The following FNDC1 variants were observed in gnomAD, a reference collection of about 807,000 sequenced individuals.
FNDC1 encodes fibronectin type III domain-containing protein 1.
In FNDC1, 96 loss-of-function variants were observed where a neutral mutation model predicts 168.0. The ratio of observed to expected loss-of-function variants is 0.57; its 90% CI spans 0.48 to 0.68. The LOEUF (loss-of-function observed/expected upper bound fraction) is 0.68, where lower values mean the gene tolerates loss of function less well. FNDC1 is among the 30% of genes least tolerant of loss of function. The pLI is 0.00. For synonymous variants in FNDC1, 1,099 were observed against 1,025.9 expected, an observed-to-expected ratio of 1.07 and a Z score of -1.36; for missense variants, 2,587 against 2,482.1, an observed-to-expected ratio of 1.04 and a Z score of -0.90.
chr6:159,195,179 AG>A (rs1782219037), intron 1 of FNDC1, among the ~76,000 whole-genome samples: 1 of 152,192 alleles, frequency 6.6e-6, no homozygotes, highest in African/African-American at 2.4e-5. Context: ...TATGTTAAAA[AG>A]AACCTTCATT....
intron 1 of FNDC1, among the ~76,000 whole-genome samples, chr6:159,178,439 C>T (rs753603103): frequency 1.3e-5 from 2 of 152,172 alleles, no homozygotes; most frequent in African/African-American, 2.4e-5. Context: ...CATGTACCCT[C>T]CACCTAGTTT....
At chr6:159,238,371 C>T (rs552530865) in intron 12 of FNDC1, among the ~76,000 whole-genome samples, 183 bp from the exon 13 acceptor site, 1 of 152,288 alleles carries the variant, frequency 6.6e-6, no homozygotes, top group East Asian at 1.9e-4. Context: ...AAGCGTGAGC[C>T]ACCGCGCCCG....
At chr6:159,193,058 C>G (rs1268705347) in intron 1 of FNDC1, among the ~76,000 whole-genome samples, 1 of 152,126 alleles carries the variant, frequency 6.6e-6, no homozygotes, top group East Asian at 1.9e-4. Flanking sequence ...AGGATTTCTT[C>G]TGGGGTCAAG....
At position 159,169,530 on chromosome 6, in the gene FNDC1, C is replaced by T; in HGVS notation, c.-67C>T. 2.2e-6 allele frequency: 1 copy of T among 445,488 alleles called. No homozygotes were observed. Among genetic ancestry groups the T allele is most frequent in the Non-Finnish European group, 3.1e-6 (1 of 320,974 alleles). The allele number at this position is 445,488 out of a possible 1,614,324, so 27.6% of individuals were successfully genotyped here. ...ACCCGACGGCGGCGCCTCGGCACTC[C>T]CCAGACTCCGGCCAGCGCCCCCCTG... On this transcript the variant is annotated 5_prime_UTR_variant, in exon 1 of 23. Coordinates refer to ENST00000297267, the MANE Select transcript of FNDC1 (RefSeq NM_032532.3). The surrounding 1 kb of genome is among the most constrained non-coding windows in gnomAD (Gnocchi z 6.8).
chr6:159,184,043 C>T (rs532031964), intron 1 of FNDC1, among the ~76,000 whole-genome samples: 1 of 152,368 alleles, frequency 6.6e-6, no homozygotes, highest in African/African-American at 2.4e-5. Context: ...TGGGTCTGAG[C>T]TTGACTGTCA....
At chr6:159,234,675 G>A (rs540868198) in intron 11 of FNDC1, among the ~76,000 whole-genome samples, 196 bp downstream of exon 11, 2 of 152,392 alleles carry the variant, frequency 1.3e-5, no homozygotes, top group East Asian at 3.9e-4. Flanking sequence ...TCCAGATGCA[G>A]AAGCTGCGGC....
At position 159,223,536 on chromosome 6, in the gene FNDC1, G is replaced by T; in HGVS notation, c.775G>T (p.Glu259Ter). Residue 259 changes from glutamate (E) to a stop codon, truncating the protein, a stop_gained, in exon 7 of 23, where the codon GAA becomes TAA. Coordinates refer to ENST00000297267, the MANE Select transcript of FNDC1 (RefSeq NM_032532.3). LOFTEE classifies it high-confidence loss of function. ...TCTCGTTGTCATTTCAGAAGAGGAC[G>T]AATTGGATGTACCTGACGACATCAG... is the stretch of plus-strand genomic sequence containing the variant. ...LTKRKISEED[E>*]LDVPDDISVR... The T allele has an allele frequency of 6.2e-7, 1 of 1,611,278 alleles. No individual in the cohort carries two copies. The highest frequency in any genetic ancestry group is 8.5e-7 in the Non-Finnish European group (1 of 1,178,196).
intron 13 of FNDC1, among the ~76,000 whole-genome samples, chr6:159,239,188 G>T (rs562636559): frequency 6.6e-6 from 1 of 152,288 alleles, no homozygotes; most frequent in Admixed American, 6.5e-5. Context: ...AGCGGATTGA[G>T]TAGCTGCAAT....
In FNDC1 at chr6:159,194,366, T is replaced by C. The variant is rs139426770; in HGVS notation, c.110-3065T>C. The stretch of plus-strand genomic sequence containing the variant: ...TTTCTTTAGAGACCCAGTGCATGGA[T>C]AGATAGCTTTAAAGAATGTATCCTA... On this transcript the variant is annotated intron_variant, in intron 1 of 22. Transcript: ENST00000297267. 6.0e-3 allele frequency among the ~76,000 whole-genome samples: 915 copies of C among 152,348 alleles called. 12 individuals carry two copies. The highest frequency in any genetic ancestry group is 0.021 in the African/African-American group (871 of 41,574).
intron 1 of FNDC1, among the ~76,000 whole-genome samples, chr6:159,171,534 A>C (rs1781660244): frequency 6.6e-6 from 1 of 152,170 alleles, no homozygotes; most frequent in South Asian, 2.1e-4. Context: ...TTGGGGCCAG[A>C]ATCTCTGTAA....
intron 14 of FNDC1, among the ~76,000 whole-genome samples, chr6:159,245,009 A>G (rs1046375863): frequency 3.3e-5 from 5 of 152,222 alleles, no homozygotes; most frequent in African/African-American, 4.8e-5. Flanking sequence ...AAGGGAAAGC[A>G]GGCACATCTT....
intron 12 of FNDC1, among the ~76,000 whole-genome samples, chr6:159,236,570 G>A (rs1046128488): frequency 2.6e-5 from 4 of 152,214 alleles, no homozygotes; most frequent in African/African-American, 9.6e-5. Flanking sequence ...GACTGGTTAG[G>A]AAGGTCAAAT....
chr6:159,264,424 G>T (rs1396787330), intron 19 of FNDC1, among the ~76,000 whole-genome samples: 1 of 152,182 alleles, frequency 6.6e-6, no homozygotes, highest in Non-Finnish European at 1.5e-5. Context: ...AGTTCACTCT[G>T]TTTTACTAGT....
chr6:159,179,265 C>T (rs1221718473), intron 1 of FNDC1, among the ~76,000 whole-genome samples: 2 of 152,182 alleles, frequency 1.3e-5, no homozygotes, highest in African/African-American at 4.8e-5. Flanking sequence ...GAGATCGAGA[C>T]CAGCCTGGCC....
Position 159,233,045 on chromosome 6 carries a change from C to G in FNDC1, c.2533C>G (p.Pro845Ala). 1 of 1,610,982 alleles carries G rather than the reference C, an allele frequency of 6.2e-7. No individual in the cohort carries two copies. Among genetic ancestry groups the G allele is most frequent in the Non-Finnish European group, 8.5e-7 (1 of 1,178,780 alleles). The change falls in exon 11 of 23, where the codon CCC (proline) becomes GCC (alanine). Residue 845 changes from proline to alanine, a missense_variant. By Grantham distance (27) the Pro-to-Ala change is conservative. Transcript: ENST00000297267. This position sits in a 1 kb window ranked among gnomAD's most constrained non-coding sequence, Gnocchi z 4.6. ...CATTGGGCGGGGACCTCGGCTGCAG[C>G]CCTCCAGCTCCCCACAGTCGACTGT... ...FSIGRGPRLQ[P>A]SSSPQSTVPS...
chr6:159,256,424 C>T (rs757616383), intron 17 of FNDC1, 99 bp from the exon 18 acceptor site: 8 of 819,124 alleles, frequency 9.8e-6, no homozygotes, highest in Non-Finnish European at 1.7e-5. Context: ...CATGGAGCTG[C>T]ATCTGCAGCT....
At chr6:159,256,199 T>TC (rs1777368588) in intron 17 of FNDC1, among the ~76,000 whole-genome samples, 1 of 152,222 alleles carries the variant, frequency 6.6e-6, no homozygotes, top group Non-Finnish European at 1.5e-5. Flanking sequence ...ACTGCTTTTT[T>TC]CTTCTACTTT....
chr6:159,169,676 TC>T lies in FNDC1; in HGVS notation c.84del (p.Val29SerfsTer13). 8.6e-7 allele frequency: 1 copy of T among 1,162,692 alleles called. No homozygotes were observed. Among genetic ancestry groups the T allele is most frequent in the Non-Finnish European group, 1.1e-6 (1 of 944,320 alleles). The allele number at this position is 1,162,692 out of a possible 1,614,324, so 72.0% of individuals were successfully genotyped here. On this transcript the variant is annotated frameshift_variant, in exon 1 of 23. Coordinates refer to ENST00000297267, the MANE Select transcript of FNDC1 (RefSeq NM_032532.3). LOFTEE classifies it high-confidence loss of function. This position sits in a 1 kb window ranked among gnomAD's most constrained non-coding sequence, Gnocchi z 6.8. ...GCGCTGCTGCTCTTGGCCGCGCTGC[TC>T]CCCGTCGCCTCCTCGGCGGCGGCCT... ...WAALLLLAAL[L>X]PVASSAAASV...
At chr6:159,270,619 C>A (rs560239666) in intron 22 of FNDC1, among the ~76,000 whole-genome samples, 1 of 152,268 alleles carries the variant, frequency 6.6e-6, no homozygotes, top group African/African-American at 2.4e-5. Context: ...AGTGTGAGAG[C>A]AGTTATTGAG....
Sources: gnomAD v4.1 joint callset for allele counts (sites outside exome capture counted in the v4.1 genomes callset) on GRCh38, gnomAD v4.1.1 for gene constraint, Gnocchi (gnomAD v3.1) non-coding constraint, MANE v1.5 for transcripts, NCBI Gene and HGNC (gene_info 2026-07-23, HGNC 2026-07-21) for gene names.